Variants in SLC44A1 observed in about 807,000 individuals in gnomAD.
SLC44A1 encodes solute carrier family 44 member 1.
A neutral mutation model predicts 79.3 loss-of-function variants in SLC44A1; 26 were observed. That is an observed-to-expected ratio of 0.33 (90% CI 0.24 to 0.46). The LOEUF (loss-of-function observed/expected upper bound fraction) is 0.46. Among genes scored for constraint, SLC44A1 ranks in the 20% least tolerant of loss-of-function variants. The pLI is 1.00. For missense variants in SLC44A1, 688 were observed against 798.1 expected (o/e 0.86, Z 1.66); for synonymous variants, 263 against 286.2 (o/e 0.92, Z 0.82).
At chr9:105,327,317 C>A (rs914583626) in intron 3 of SLC44A1, among the ~76,000 whole-genome samples, 1 of 152,100 alleles carries the variant, frequency 6.6e-6, no homozygotes, top group Non-Finnish European at 1.5e-5. Flanking sequence ...GAGTCTCACT[C>A]TGTCACCCAG....
intron 15 of SLC44A1, among the ~76,000 whole-genome samples, chr9:105,422,101 T>A (rs1321344070): frequency 6.6e-6 from 1 of 152,072 alleles, no homozygotes; most frequent in African/African-American, 2.4e-5. Context: ...GTCCACCAAC[T>A]TCCTTTTTAT....
At chr9:105,409,343 A>G (rs1829067378) in intron 15 of SLC44A1, among the ~76,000 whole-genome samples, 1 of 152,264 alleles carries the variant, frequency 6.6e-6, no homozygotes, top group South Asian at 2.1e-4. Context: ...TAGAGAGGAC[A>G]TTTTATAGTC....
chr9:105,246,201 C>T (rs548483591), intron 1 of SLC44A1, among the ~76,000 whole-genome samples: 1 of 152,178 alleles, frequency 6.6e-6, no homozygotes, highest in East Asian at 1.9e-4. Context: ...TGTGATAATG[C>T]CAGAAGTGTT....
chr9:105,403,526 G>A (rs537589441), intron 15 of SLC44A1, among the ~76,000 whole-genome samples: 4 of 151,392 alleles, frequency 2.6e-5, no homozygotes, highest in East Asian at 1.9e-4. Context: ...CATTTATTTC[G>A]GATACATTCA....
rs902726458 is a variant in SLC44A1, at chr9:105,391,800, G to A, written c.*2744G>A. 1.2e-5 allele frequency: 12 copies of A among 985,000 alleles called. No homozygotes were observed. The highest frequency in any genetic ancestry group is 1.2e-4 in the Admixed American group (2 of 16,244). The allele number at this position is 985,000 out of a possible 1,614,324, so 61.0% of individuals were successfully genotyped here. A position where few individuals can be genotyped will look rare whatever the true frequency, so the allele number is the denominator to read the frequency against. On this transcript the variant is annotated 3_prime_UTR_variant, in exon 16 of 16. Transcript: ENST00000374720. ...ATTTCTCTGTGAAATGTGGATACCCGAATAATTTCATAAATCATTGATTCT... is the reference window on the plus strand; with the variant it reads ...ATTTCTCTGTGAAATGTGGATACCCAAATAATTTCATAAATCATTGATTCT...
At chr9:105,250,050 A>AT (rs2131192639) in intron 1 of SLC44A1, among the ~76,000 whole-genome samples, 1 of 151,170 alleles carries the variant, frequency 6.6e-6, no homozygotes, top group South Asian at 2.1e-4. Flanking sequence ...AATGTTTTAA[A>AT]TTTTTTGTAG....
intron 1 of SLC44A1, among the ~76,000 whole-genome samples, chr9:105,266,986 T>C (rs1170547818): frequency 2.6e-5 from 4 of 152,286 alleles, no homozygotes; most frequent in African/African-American, 9.6e-5. Flanking sequence ...AGTTTTTTTT[T>C]CTCCCCATCA....
At chr9:105,403,486 G>C (rs1395453877) in intron 15 of SLC44A1, among the ~76,000 whole-genome samples, 1 of 151,788 alleles carries the variant, frequency 6.6e-6, no homozygotes, top group African/African-American at 2.4e-5. Flanking sequence ...CATGGTTCTT[G>C]GGTGTAAATA....
chr9:105,337,809 A>G (rs914742894), intron 4 of SLC44A1, among the ~76,000 whole-genome samples: 2 of 152,100 alleles, frequency 1.3e-5, no homozygotes, highest in African/African-American at 4.8e-5. Flanking sequence ...TCACTGGAGG[A>G]GAGATGCCCT....
At chr9:105,333,102 G>A (rs1414122581) in intron 3 of SLC44A1, among the ~76,000 whole-genome samples, 1 of 152,138 alleles carries the variant, frequency 6.6e-6, no homozygotes, top group Admixed American at 6.5e-5. Flanking sequence ...ATGTTTTAAG[G>A]TATAAAAGAA....
intron 4 of SLC44A1, among the ~76,000 whole-genome samples, chr9:105,336,002 C>A (rs1178889410): frequency 6.6e-6 from 1 of 152,078 alleles, no homozygotes; most frequent in Non-Finnish European, 1.5e-5. Context: ...CTAAACCACT[C>A]TATGTAAAAT....
chr9:105,409,799 G>T (rs1231912999), intron 15 of SLC44A1, among the ~76,000 whole-genome samples: 1 of 152,150 alleles, frequency 6.6e-6, no homozygotes, highest in Non-Finnish European at 1.5e-5. Context: ...TTTTCAAAAT[G>T]GATAGAATAA....
At chr9:105,376,314 TACACAC>T (rs33933201) in intron 13 of SLC44A1, among the ~76,000 whole-genome samples, 5,314 of 139,118 alleles carry the variant, frequency 0.038, 123 homozygotes, top group Non-Finnish European at 0.053. Flanking sequence ...TATATATGTA[TACACAC>T]ACACACACAC....
chr9:105,353,059 G>C (rs1371500065), intron 5 of SLC44A1, among the ~76,000 whole-genome samples: 2 of 151,970 alleles, frequency 1.3e-5, no homozygotes, highest in Non-Finnish European at 2.9e-5. Flanking sequence ...TCTTATGTTT[G>C]CCTTCTATTT....
Position 105,374,683 on chromosome 9 carries a change from T to G in SLC44A1, c.1580T>G (p.Leu527Trp). ...DAFVILVENA[L>W]RVATINTVGD... Reference sequence around the variant, plus strand: ...TTTGTCATTCTGGTGGAGAATGCTTTGCGAGTGGCTACCATCAACACAGTA... The same window carrying G: ...TTTGTCATTCTGGTGGAGAATGCTTGGCGAGTGGCTACCATCAACACAGTA... The change falls in exon 13 of 16, where the codon TTG (leucine) becomes TGG (tryptophan). Residue 527 changes from leucine to tryptophan, a missense_variant. Leu to Trp is a moderately conservative substitution (Grantham distance 61). Coordinates refer to ENST00000374720, the MANE Select transcript of SLC44A1 (RefSeq NM_080546.5). The G allele has an allele frequency of 6.2e-7, 1 of 1,613,482 alleles. No individual in the cohort carries two copies. Among genetic ancestry groups the G allele is most frequent in the Non-Finnish European group, 8.5e-7 (1 of 1,179,384 alleles).
chr9:105,438,447 C>T lies in SLC44A1; in HGVS notation c.*152C>T, dbSNP rs941047621. ...ACAAGTTTCTCAAACCACCAACAGC[C>T]AAGTGGATTTGGTACAGTGCGGCTG... On this transcript the variant is annotated 3_prime_UTR_variant, in exon 16 of 16. Coordinates refer to the SLC44A1 transcript ENST00000374724. 1.4e-5 allele frequency: 9 copies of T among 639,876 alleles called. No individual in the cohort carries two copies. In the African/African-American group the frequency reaches 1.6e-4, roughly 12 times the overall value. The allele number at this position is 639,876 out of a possible 1,614,324, so 39.6% of individuals were successfully genotyped here.
At chr9:105,420,180 A>G (rs549169629) in intron 15 of SLC44A1, among the ~76,000 whole-genome samples, 2 of 152,280 alleles carry the variant, frequency 1.3e-5, no homozygotes, top group South Asian at 2.1e-4. Context: ...CCCTGACCCT[A>G]GCAGAATGCG....
chr9:105,335,294 T>C (rs1353535607), intron 3 of SLC44A1, among the ~76,000 whole-genome samples: 1 of 152,152 alleles, frequency 6.6e-6, no homozygotes, highest in Non-Finnish European at 1.5e-5. Context: ...AAAACTAAAA[T>C]AGATGATTTC....
At chr9:105,324,382 C>T (rs942225213) in intron 3 of SLC44A1, among the ~76,000 whole-genome samples, 9 of 151,674 alleles carry the variant, frequency 5.9e-5, no homozygotes, top group African/African-American at 2.2e-4. Context: ...TCCTGAGTAT[C>T]TGGGATTACA....
Sources: allele counts gnomAD v4.1 joint callset (sites outside exome capture counted in the v4.1 genomes callset), GRCh38; gene constraint gnomAD v4.1.1; transcripts MANE v1.5; gene names NCBI Gene and HGNC (gene_info 2026-07-23, HGNC 2026-07-21).